The following PCDH11X variants were observed in gnomAD, a reference collection of about 807,000 sequenced individuals.
The protein encoded by PCDH11X is protocadherin-11 X-linked.
Under a neutral mutation model 53.3 loss-of-function variants are expected in PCDH11X, and 18 were observed. The ratio of observed to expected loss-of-function variants is 0.34; its 90% CI spans 0.23 to 0.50. The LOEUF (loss-of-function observed/expected upper bound fraction) is 0.50, where lower values mean the gene tolerates loss of function less well. Ranked by LOEUF, PCDH11X falls within the 20% of genes least tolerant of loss-of-function variation. The pLI is 0.98. For missense variants in PCDH11X, 570 were observed against 1,032.4 expected (o/e 0.55, Z 6.14); for synonymous variants, 279 against 393.3 (o/e 0.71, Z 3.44).
chrX:92,091,680 T>C (rs1021007114), intron 6 of PCDH11X, among the ~76,000 whole-genome samples: 2 of 111,577 alleles, frequency 1.8e-5, no homozygotes, highest in Non-Finnish European at 3.8e-5. Context: ...ATTGAAACAT[T>C]TTCTGGTTGA....
intron 8 of PCDH11X, among the ~76,000 whole-genome samples, chrX:92,380,880 G>C (rs1466648695): frequency 2.0e-5 from 2 of 100,842 alleles, no homozygotes; most frequent in Non-Finnish European, 4.0e-5. Context: ...TCTTTAACTT[G>C]TCAGTCACTT....
At chrX:91,924,514 C>T (rs35471231) in intron 6 of PCDH11X, among the ~76,000 whole-genome samples, 2 of 111,831 alleles carry the variant, frequency 1.8e-5, no homozygotes, top group Non-Finnish European at 3.8e-5. Flanking sequence ...TTTGTCACAA[C>T]GGTGATAGGA....
intron 8 of PCDH11X, among the ~76,000 whole-genome samples, chrX:92,353,854 C>G (rs1197688007): frequency 9.2e-6 from 1 of 109,224 alleles, no homozygotes; most frequent in African/African-American, 3.3e-5. Flanking sequence ...GGCCTTGAGT[C>G]AAATTTTTTA....
chrX:92,404,268 T>C (rs1449599131), intron 9 of PCDH11X, among the ~76,000 whole-genome samples: 1 of 104,182 alleles, frequency 9.6e-6, no homozygotes, highest in African/African-American at 3.6e-5. Context: ...GTCTGTCTAC[T>C]GAGAATGGTG....
intron 9 of PCDH11X, among the ~76,000 whole-genome samples, chrX:92,411,971 GAAGAA>G (rs2071677156): frequency 3.8e-5 from 1 of 26,571 alleles, no homozygotes; most frequent in Non-Finnish European, 7.2e-5. Context: ...GAGGAGGAGG[GAAGAA>G]GAAGAAGAAG....
intron 10 of PCDH11X, among the ~76,000 whole-genome samples, chrX:92,498,610 T>C (rs1406923302): frequency 4.6e-5 from 5 of 109,563 alleles, no homozygotes; most frequent in Non-Finnish European, 9.5e-5. Flanking sequence ...TACTATATAT[T>C]AGTAACTAAC....
chrX:92,022,445 A>G (rs1414117840), intron 6 of PCDH11X, among the ~76,000 whole-genome samples: 1 of 109,194 alleles, frequency 9.2e-6, no homozygotes, highest in East Asian at 2.9e-4. Flanking sequence ...GGCATTACAT[A>G]ATAGTAAAGG....
chrX:92,068,540 A>G lies in PCDH11X; in HGVS notation c.3034-132835A>G, dbSNP rs185790877. Among the ~76,000 whole-genome samples, 237 of 109,710 alleles carry G rather than the reference A, an allele frequency of 2.2e-3. 1 individual carries two copies. The highest frequency in any genetic ancestry group is 7.4e-3 in the African/African-American group (224 of 30,095). The stretch of plus-strand genomic sequence containing the variant: ...ATTATGGTCAGAGAAGATTCTTGAT[A>G]GTACTATTATTATTATTAAGATGGA... On this transcript the variant is annotated intron_variant, in intron 6 of 10. Coordinates refer to ENST00000682573, the MANE Select transcript of PCDH11X (RefSeq NM_032968.5).
intron 6 of PCDH11X, among the ~76,000 whole-genome samples, chrX:91,902,576 C>T (rs937434559): frequency 9.3e-5 from 10 of 107,948 alleles, no homozygotes; most frequent in Non-Finnish European, 1.5e-4. Flanking sequence ...TTATATATAA[C>T]CTATATCCTG....
intron 6 of PCDH11X, among the ~76,000 whole-genome samples, chrX:91,927,394 T>G (rs1170393001): frequency 1.8e-5 from 2 of 109,857 alleles, no homozygotes; most frequent in Non-Finnish European, 3.8e-5. Context: ...ATCTTCCCCT[T>G]TTCATAAATG....
chrX:92,321,796 A>G lies in PCDH11X; in HGVS notation c.3144+58653A>G, dbSNP rs182360719. Among the ~76,000 whole-genome samples the G allele has an allele frequency of 4.2e-3, 463 of 110,916 alleles. 3 individuals carry two copies. Among genetic ancestry groups the G allele is most frequent in the African/African-American group, 0.015 (443 of 30,503 alleles). The stretch of plus-strand genomic sequence containing the variant: ...ACTTCCCATCTCATCATGCCTGAGG[A>G]CTGTTTTTAAGTTGTTTTTCTGGGG... On this transcript the variant is annotated intron_variant, in intron 8 of 10. Coordinates refer to ENST00000682573, the MANE Select transcript of PCDH11X (RefSeq NM_032968.5).
chrX:92,375,567 G>A (rs1430694109), intron 8 of PCDH11X, among the ~76,000 whole-genome samples: 5 of 108,735 alleles, frequency 4.6e-5, no homozygotes, highest in Non-Finnish European at 9.5e-5. Flanking sequence ...TCTAGTTAAA[G>A]ATTATTGCAT....
chrX:91,798,362 G>T (rs1424544475), intron 1 of PCDH11X: 1 of 111,306 alleles, frequency 9.0e-6, no homozygotes, highest in South Asian at 3.8e-4. Context: ...GCCGAGGCAG[G>T]TGGATCACCT....
intron 10 of PCDH11X, among the ~76,000 whole-genome samples, chrX:92,503,475 T>G (rs2073996942): frequency 2.0e-5 from 2 of 97,856 alleles, no homozygotes; most frequent in Admixed American, 2.1e-4. Context: ...AGAATCAACC[T>G]AAACGCCCAT....
intron 6 of PCDH11X, among the ~76,000 whole-genome samples, chrX:92,041,567 T>C (rs1270622386): frequency 5.4e-5 from 6 of 111,625 alleles, no homozygotes; most frequent in Non-Finnish European, 7.5e-5. Context: ...AGAAAAGAAG[T>C]AAATAATTCT....
At chrX:91,989,276 A>C (rs1013953553) in intron 6 of PCDH11X, among the ~76,000 whole-genome samples, 1 of 111,428 alleles carries the variant, frequency 9.0e-6, no homozygotes, top group African/African-American at 3.3e-5. Context: ...AGAAGAAGAA[A>C]AGAAGGCCGG....
intron 6 of PCDH11X, among the ~76,000 whole-genome samples, chrX:92,192,468 G>A (rs982996772): frequency 7.3e-5 from 8 of 110,259 alleles, no homozygotes; most frequent in African/African-American, 2.3e-4. Context: ...TCAGCCTCCC[G>A]AGTAGCTGGG....
intron 6 of PCDH11X, among the ~76,000 whole-genome samples, chrX:92,102,835 G>A (rs1309850537): frequency 9.0e-6 from 1 of 111,592 alleles, no homozygotes; most frequent in Non-Finnish European, 1.9e-5. Flanking sequence ...TTGATAAAGC[G>A]CAGATTCTGA....
rs758641899 is a variant in PCDH11X at position 92,487,048 on chromosome X, C to CTTTTTTTTTT, written c.3367+18739_3367+18748dup. ...TTATTATCTCTGAGAAATATGCTTC[C>CTTTTTTTTTT]TTTTTTTTTTTTTTTTTTTTTTGAG... On this transcript the variant is annotated intron_variant, in intron 10 of 10. Transcript: ENST00000682573. 1.5e-4 allele frequency among the ~76,000 whole-genome samples: 10 copies of CTTTTTTTTTT among 67,819 alleles called. 2 individuals carry two copies. The highest frequency in any genetic ancestry group is 5.8e-4 in the East Asian group (1 of 1,719). 58.9% of individuals were successfully genotyped at this position (67,819 alleles called of 115,157 possible).
Sources: allele counts gnomAD v4.1 joint callset (sites outside exome capture counted in the v4.1 genomes callset), GRCh38; gene constraint gnomAD v4.1.1; transcripts MANE v1.5; gene names NCBI Gene and HGNC (gene_info 2026-07-23, HGNC 2026-07-21).